ZHX1: variants seen among roughly 807,000 people sequenced by gnomAD.
ZHX1 encodes the protein zinc fingers and homeoboxes 1.
ZHX1 carries 20 observed loss-of-function variants against 61.8 expected under a neutral mutation model. That is an observed-to-expected ratio of 0.32 (90% CI 0.23 to 0.47). The LOEUF (loss-of-function observed/expected upper bound fraction) is 0.47, where lower values mean the gene tolerates loss of function less well. ZHX1 is among the 20% of genes least tolerant of loss of function. The probability of loss-of-function intolerance (pLI) is 1.00; values close to 1 mark genes in which losing one functional copy is unlikely to be tolerated. For synonymous variants in ZHX1, 318 were observed against 352.6 expected, an observed-to-expected ratio of 0.90 and a Z score of 1.10; for missense variants, 800 against 1,034.8, an observed-to-expected ratio of 0.77 and a Z score of 3.11.
chr8:123,251,728 G>C (rs1825924190), intron 3 of ZHX1, among the ~76,000 whole-genome samples: 1 of 152,106 alleles, frequency 6.6e-6, no homozygotes, highest in Admixed American at 6.6e-5. Flanking sequence ...GAAGATTTCT[G>C]ACATTAGGAA....
At chr8:123,266,950 T>C (rs1469245015) in intron 2 of ZHX1, among the ~76,000 whole-genome samples, 2 of 152,162 alleles carry the variant, frequency 1.3e-5, no homozygotes, top group African/African-American at 2.4e-5. Context: ...ATACCAAAGG[T>C]ACATTTTGTC....
At chr8:123,257,058 A>C (rs1826093138) in intron 2 of ZHX1, 1 of 151,978 alleles carries the variant, frequency 6.6e-6, no homozygotes, top group Non-Finnish European at 1.5e-5. Flanking sequence ...AGCTGGGATT[A>C]CAGGCGCTTG....
At position 123,255,143 on chromosome 8, in the gene ZHX1, A is replaced by G. The variant is rs1826033118; in HGVS notation, c.804T>C (p.Ser268=). The change falls in exon 3 of 4, where the codon TCT becomes TCC. Residue 268 remains serine, a synonymous_variant. Coordinates refer to ENST00000395571, the MANE Select transcript of ZHX1 (RefSeq NM_007222.5). ...PGLAQVITAV[S]AQQNSNLIPK... ...GAATCAAATTAGAATTCTGCTGAGC[A>G]GATACAGCAGTTATCACCTGTGCCA... The G allele has an allele frequency of 6.2e-7, 1 of 1,614,092 alleles. No homozygotes were observed. Among genetic ancestry groups the G allele is most frequent in the African/African-American group, 1.3e-5 (1 of 74,952 alleles).
Position 123,255,867 on chromosome 8 carries a change from T to C in ZHX1, c.80A>G (p.Asp27Gly). 2 of 1,614,198 alleles carry C rather than the reference T, an allele frequency of 1.2e-6. No individual in the cohort carries two copies. Among genetic ancestry groups the C allele is most frequent in the Non-Finnish European group, 1.7e-6 (2 of 1,180,018 alleles). ...AAGCACAGGAGGACCTTCATCCAAA[T>C]CTGATATCAACTCAAGGTCTGGATC... ...EQDPDLELIS[D>G]LDEGPPVLTP... is the part of the protein sequence containing the mutation. The change falls in exon 3 of 4, where the codon GAT becomes GGT. Residue 27 changes from aspartate to glycine, a missense_variant. By Grantham distance (94) the Asp-to-Gly change is moderately conservative. Transcript: ENST00000395571.
At position 123,255,332 on chromosome 8, in the gene ZHX1, GTCC is replaced by G. The variant is rs1563809804; in HGVS notation, c.612_614del (p.Glu204del). 1 of 1,614,050 alleles carries G rather than the reference GTCC, an allele frequency of 6.2e-7. No individual in the cohort carries two copies. Among genetic ancestry groups the G allele is most frequent in the Non-Finnish European group, 8.5e-7 (1 of 1,180,018 alleles). ...TTTCATTCTCTTTCTCTTCAGGAAC[GTCC>G]TCAACTGAGTTATGATGAACTGCAA... On this transcript the variant is annotated inframe_deletion, in exon 3 of 4. Coordinates refer to ENST00000395571, the MANE Select transcript of ZHX1 (RefSeq NM_007222.5).
At chr8:123,260,905 C>T (rs1476726886) in intron 2 of ZHX1, among the ~76,000 whole-genome samples, 1 of 151,672 alleles carries the variant, frequency 6.6e-6, no homozygotes, top group East Asian at 1.9e-4. Flanking sequence ...GCCTGTAATC[C>T]CAGCTACTCA....
chr8:123,254,718 G>A lies in ZHX1; in HGVS notation c.1229C>T (p.Thr410Ile). ...QVAGTNTLPV[T>I]APIALTVAGV... ...TGCCACTGTCAAGGCTATAGGTGCT[G>A]TAACTGGCAAGGTGTTTGTTCCAGC... The change falls in exon 3 of 4, where the codon ACA becomes ATA. Residue 410 changes from threonine to isoleucine, a missense_variant. Thr to Ile is a moderately conservative substitution (Grantham distance 89). Transcript: ENST00000395571. The surrounding 1 kb of genome is among the most constrained non-coding windows in gnomAD (Gnocchi z 4.1). The A allele has an allele frequency of 6.2e-7, 1 of 1,614,202 alleles. No individual in the cohort carries two copies. The highest frequency in any genetic ancestry group is 8.5e-7 in the Non-Finnish European group (1 of 1,180,026).
intron 1 of ZHX1, among the ~76,000 whole-genome samples, chr8:123,270,736 T>C (rs960975880): frequency 2.5e-4 from 37 of 146,838 alleles, no homozygotes; most frequent in Non-Finnish European, 4.2e-4. Flanking sequence ...CAGTGAGCCA[T>C]GATCATGCCA....
chr8:123,271,347 G>A (rs1355500291), intron 1 of ZHX1, among the ~76,000 whole-genome samples: 1 of 152,112 alleles, frequency 6.6e-6, no homozygotes, highest in African/African-American at 2.4e-5. Flanking sequence ...TTTAAAAAAT[G>A]TGTATTACTG....
At position 123,254,857 on chromosome 8, in the gene ZHX1, G is replaced by T; in HGVS notation, c.1090C>A (p.Pro364Thr). 2.5e-6 allele frequency: 4 copies of T among 1,614,154 alleles called. No homozygotes were observed. The highest frequency in any genetic ancestry group is 3.4e-6 in the Non-Finnish European group (4 of 1,180,020). Residue 364 changes from proline to threonine, a missense_variant, in exon 3 of 4, where the codon CCT becomes ACT. Coordinates refer to ENST00000395571, the MANE Select transcript of ZHX1 (RefSeq NM_007222.5). This position sits in a 1 kb window ranked among gnomAD's most constrained non-coding sequence, Gnocchi z 4.1. Reference protein sequence around the residue: ...KQFNGTVHTVPQTITVIPTHI... With the variant: ...KQFNGTVHTVTQTITVIPTHI... ...GTAGGAATAACAGTTATGGTCTGAG[G>T]TACAGTATGCACTGTTCCATTGAAT...
In ZHX1 at chr8:123,254,021, T is replaced by C. The variant is rs1214776281; in HGVS notation, c.1926A>G (p.Glu642=). The change falls in exon 3 of 4, where the codon GAA becomes GAG. Residue 642 remains glutamate, a synonymous_variant. Coordinates refer to ENST00000395571, the MANE Select transcript of ZHX1 (RefSeq NM_007222.5). The surrounding 1 kb of genome is among the most constrained non-coding windows in gnomAD (Gnocchi z 4.1). ...IDESNAGSSK[E]EAGETSPADE... ...CTGCAGGAGAAGTTTCTCCAGCTTC[T>C]TCTTTGGAACTACCTGCATTACTTT... 6.2e-7 allele frequency: 1 copy of C among 1,614,158 alleles called. No individual in the cohort carries two copies. The highest frequency in any genetic ancestry group is 8.5e-7 in the Non-Finnish European group (1 of 1,180,036).
At chr8:123,253,173 G>A in intron 3 of ZHX1, 149 bp downstream of exon 3, 2 of 561,832 alleles carry the variant, frequency 3.6e-6, no homozygotes, top group Admixed American at 7.0e-5. Context: ...TTATCTCTTA[G>A]CTATACTAGT....
At chr8:123,271,188 T>G (rs1372483151) in intron 1 of ZHX1, among the ~76,000 whole-genome samples, 8 of 152,188 alleles carry the variant, frequency 5.3e-5, no homozygotes, top group Non-Finnish European at 7.4e-5. Flanking sequence ...AAACATTGGC[T>G]CTTATTCTAA....
chr8:123,249,544 A>G lies in ZHX1; in HGVS notation c.*780T>C, dbSNP rs1025898202. The G allele has an allele frequency of 2.0e-5, 3 of 152,148 alleles. No individual in the cohort carries two copies. Among genetic ancestry groups the G allele is most frequent in the Non-Finnish European group, 4.4e-5 (3 of 67,986 alleles). 9.4% of individuals were successfully genotyped at this position (152,148 alleles called of 1,614,324 possible). A position where few individuals can be genotyped will look rare whatever the true frequency, so the allele number is the denominator to read the frequency against. On this transcript the variant is annotated 3_prime_UTR_variant, in exon 4 of 4. Transcript: ENST00000395571. ...ATTTTTGGTGCAGTATTTATTTCAA[A>G]GCTTCACCCTATCCAAATTACCATG... is the stretch of plus-strand genomic sequence containing the variant.
chr8:123,273,391 G>C (rs1218752444), intron 1 of ZHX1, among the ~76,000 whole-genome samples: 1 of 152,146 alleles, frequency 6.6e-6, no homozygotes, highest in African/African-American at 2.4e-5. Flanking sequence ...GGTATTAGTA[G>C]ATTGTTCACT....
chr8:123,257,394 T>C lies in ZHX1; in HGVS notation c.-225-1223A>G, dbSNP rs112528025. 1.6e-3 allele frequency among the ~76,000 whole-genome samples: 245 copies of C among 152,334 alleles called. 1 individual carries two copies. The highest frequency in any genetic ancestry group is 5.8e-3 in the African/African-American group (241 of 41,590). On this transcript the variant is annotated intron_variant, in intron 2 of 3. Transcript: ENST00000395571. The stretch of plus-strand genomic sequence containing the variant: ...TCTAACCTCACTTTCCTTCCTCCTG[T>C]TTCCTTATGCTTTAGGTATACCAGA...
rs889767576 is a variant in ZHX1, at chr8:123,255,110, G to A, written c.837C>T (p.Val279=). ...TGGGAATGCTATTAACAGGGATTAA[G>A]ACTTTGGGAATCAAATTAGAATTCT... ...AQQNSNLIPK[V]LIPVNSIPTY... Residue 279 remains valine, a synonymous_variant, in exon 3 of 4, where the codon GTC becomes GTT. Transcript: ENST00000395571. 1.2e-6 allele frequency: 2 copies of A among 1,614,168 alleles called. No individual in the cohort carries two copies. Among genetic ancestry groups the A allele is most frequent in the African/African-American group, 1.3e-5 (1 of 75,046 alleles).
Position 123,254,560 on chromosome 8 carries a change from C to A in ZHX1, c.1387G>T (p.Asp463Tyr). 6.2e-7 allele frequency: 1 copy of A among 1,614,108 alleles called. No individual in the cohort carries two copies. Residue 463 changes from aspartate (D) to tyrosine (Y), a missense_variant, in exon 3 of 4, where the codon GAT becomes TAT. Asp to Tyr is a radical substitution (Grantham distance 160). Transcript: ENST00000395571. This position sits in a 1 kb window ranked among gnomAD's most constrained non-coding sequence, Gnocchi z 4.1. ...TTTTTTGCCCGAATGCCAAATGAATCAGGGTTTACCAATGCAGTTTCATGT... is the reference window on the plus strand; with the variant it reads ...TTTTTTGCCCGAATGCCAAATGAATAAGGGTTTACCAATGCAGTTTCATGT... ...VKHETALVNP[D>Y]SFGIRAKKTK...
At chr8:123,273,171 T>C (rs1239737130) in intron 1 of ZHX1, among the ~76,000 whole-genome samples, 1 of 152,152 alleles carries the variant, frequency 6.6e-6, no homozygotes, top group East Asian at 1.9e-4. Context: ...AAATGGAATC[T>C]TTTCCTTCTC....
Sources: gnomAD v4.1 joint callset for allele counts (sites outside exome capture counted in the v4.1 genomes callset) on GRCh38, gnomAD v4.1.1 for gene constraint, Gnocchi (gnomAD v3.1) non-coding constraint, MANE v1.5 for transcripts, NCBI Gene and HGNC (gene_info 2026-07-23, HGNC 2026-07-21) for gene names.